MEI4: variants seen among roughly 807,000 people sequenced by gnomAD.
MEI4 encodes the protein meiosis-specific protein MEI4.
In MEI4, 27 loss-of-function variants were observed where a neutral mutation model predicts 31.4. That is an observed-to-expected ratio of 0.86 (90% CI 0.63 to 1.19). The LOEUF (loss-of-function observed/expected upper bound fraction) is 1.19, where lower values mean the gene tolerates loss of function less well. Ranked by LOEUF, MEI4 falls within the 50% of genes most tolerant of loss-of-function variation. The probability of loss-of-function intolerance (pLI) is 0.00; values close to 1 mark genes in which losing one functional copy is unlikely to be tolerated. For synonymous variants in MEI4, 122 were observed against 145.4 expected, an observed-to-expected ratio of 0.84 and a Z score of 1.16; for missense variants, 329 against 398.9, an observed-to-expected ratio of 0.82 and a Z score of 1.49.
At position 77,760,408 on chromosome 6, in the gene MEI4, C is replaced by T. The variant is rs72898541; in HGVS notation, c.233-722C>T. ...CACTTTACAGGATGAATTGTAAATTCACTCTACACTTTACAGGATGAAGGT... is the reference window on the plus strand; with the variant it reads ...CACTTTACAGGATGAATTGTAAATTTACTCTACACTTTACAGGATGAAGGT... On this transcript the variant is annotated intron_variant, in intron 2 of 4. Coordinates refer to ENST00000684080, the MANE Select transcript of MEI4 (RefSeq NM_001322247.2). 3.6e-3 allele frequency among the ~76,000 whole-genome samples: 549 copies of T among 151,668 alleles called. 5 individuals carry two copies. The highest frequency in any genetic ancestry group is 5.1e-3 in the Non-Finnish European group (344 of 67,968).
At chr6:77,673,100 GGATTCAA>G (rs1257128796) in intron 1 of MEI4, among the ~76,000 whole-genome samples, 2 of 152,054 alleles carry the variant, frequency 1.3e-5, no homozygotes, top group African/African-American at 4.8e-5. Context: ...TCTGCATTTT[GGATTCAA>G]GATTACTGAT....
intron 2 of MEI4, among the ~76,000 whole-genome samples, chr6:77,719,160 G>T (rs1766656425): frequency 7.0e-6 from 1 of 142,688 alleles, no homozygotes; most frequent in Non-Finnish European, 1.5e-5. Context: ...TGACCTTGAG[G>T]TGTCCAATCT....
chr6:77,713,011 G>C (rs905262123), intron 2 of MEI4, among the ~76,000 whole-genome samples: 3 of 151,890 alleles, frequency 2.0e-5, no homozygotes, highest in African/African-American at 7.3e-5. Context: ...TGGAGCATTA[G>C]GGTTGCCGAA....
intron 2 of MEI4, among the ~76,000 whole-genome samples, chr6:77,745,998 A>T (rs1288758670): frequency 1.3e-5 from 2 of 152,168 alleles, no homozygotes; most frequent in East Asian, 3.9e-4. Flanking sequence ...TATAACACTA[A>T]ATGCCCACAA....
intron 4 of MEI4, among the ~76,000 whole-genome samples, chr6:77,830,992 C>T (rs529583271): frequency 8.6e-5 from 13 of 151,800 alleles, no homozygotes; most frequent in African/African-American, 3.1e-4. Flanking sequence ...AAAATATTTG[C>T]AAACTAGCTA....
intron 3 of MEI4, among the ~76,000 whole-genome samples, chr6:77,809,081 C>T (rs751852081): frequency 5.9e-5 from 9 of 152,184 alleles, no homozygotes; most frequent in Non-Finnish European, 8.8e-5. Flanking sequence ...TGTCATATCA[C>T]GGTGTCTACC....
At chr6:77,760,313 TA>T (rs1164861822) in intron 2 of MEI4, among the ~76,000 whole-genome samples, 1 of 152,062 alleles carries the variant, frequency 6.6e-6, no homozygotes, top group Non-Finnish European at 1.5e-5. Context: ...GTATATCAGA[TA>T]TTTTATGTGT....
At chr6:77,904,207 C>T (rs1449725340) in intron 4 of MEI4, among the ~76,000 whole-genome samples, 2 of 152,050 alleles carry the variant, frequency 1.3e-5, no homozygotes, top group Non-Finnish European at 2.9e-5. Flanking sequence ...TGTGTATCTA[C>T]AAAGCTTTTT....
chr6:77,782,851 A>C (rs1398396768), intron 3 of MEI4, among the ~76,000 whole-genome samples: 1 of 152,224 alleles, frequency 6.6e-6, no homozygotes, highest in Non-Finnish European at 1.5e-5. Flanking sequence ...TTTCAATCAA[A>C]GTCCTATCAA....
intron 4 of MEI4, among the ~76,000 whole-genome samples, chr6:77,856,498 T>G (rs1400365850): frequency 1.3e-5 from 2 of 152,116 alleles, no homozygotes; most frequent in Admixed American, 6.6e-5. Flanking sequence ...TGTTAACAGT[T>G]TGATGAATTG....
Position 77,712,989 on chromosome 6 carries a change from A to C in MEI4, c.232+22086A>C, listed in dbSNP as rs564185628. ...CCATCTCAAAAAAAAAAAAAAGAAG[A>C]AGCATTATTGATGGAGCATTAGGGT... On this transcript the variant is annotated intron_variant, in intron 2 of 4. Transcript: ENST00000684080. Among the ~76,000 whole-genome samples, 260 of 151,922 alleles carry C rather than the reference A, an allele frequency of 1.7e-3. 1 individual carries two copies. The highest frequency in any genetic ancestry group is 4.7e-3 in the African/African-American group (193 of 41,446).
intron 1 of MEI4, among the ~76,000 whole-genome samples, chr6:77,677,958 T>A (rs1353162794): frequency 1.3e-5 from 2 of 152,146 alleles, no homozygotes; most frequent in African/African-American, 4.8e-5. Context: ...ACAATTAGAC[T>A]CAGAAACCAT....
At chr6:77,766,665 G>A (rs1441220582) in intron 3 of MEI4, among the ~76,000 whole-genome samples, 2 of 152,028 alleles carry the variant, frequency 1.3e-5, no homozygotes, top group Non-Finnish European at 2.9e-5. Context: ...GCCCACCTCG[G>A]CCTCCCAAAG....
At chr6:77,741,043 C>T (rs770008016) in intron 2 of MEI4, among the ~76,000 whole-genome samples, 39 of 152,028 alleles carry the variant, frequency 2.6e-4, no homozygotes, top group Non-Finnish European at 4.0e-4. Context: ...CTGGAGAGAG[C>T]AGGGATGGTT....
chr6:77,904,888 AG>A (rs1297848393), intron 4 of MEI4, among the ~76,000 whole-genome samples: 1 of 152,090 alleles, frequency 6.6e-6, no homozygotes, highest in East Asian at 1.9e-4. Context: ...TATTATTTTT[AG>A]TATTTTTTCT....
At position 77,843,124 on chromosome 6, in the gene MEI4, C is replaced by G. The variant is rs367947104; in HGVS notation, c.900+14062C>G. The stretch of plus-strand genomic sequence containing the variant: ...AAAAAACAGGTAAAGACTGATGTCT[C>G]AAAATGTAGAGTACAGTGAAATGTT... On this transcript the variant is annotated intron_variant, in intron 4 of 4. Coordinates refer to ENST00000684080, the MANE Select transcript of MEI4 (RefSeq NM_001322247.2). Among the ~76,000 whole-genome samples the G allele has an allele frequency of 6.0e-5, 9 of 149,878 alleles. No homozygotes were observed. In the East Asian group the frequency reaches 1.8e-3, roughly 29 times the overall value.
intron 1 of MEI4, among the ~76,000 whole-genome samples, chr6:77,666,876 T>TGC (rs1554208076): frequency 2.5e-4 from 30 of 122,118 alleles, no homozygotes; most frequent in East Asian, 2.1e-3. Flanking sequence ...TGTGTGTGTG[T>TGC]GTGTGTGCGT....
chr6:77,654,421 G>T (rs564856055), intron 1 of MEI4, among the ~76,000 whole-genome samples: 1 of 151,528 alleles, frequency 6.6e-6, no homozygotes, highest in Non-Finnish European at 1.5e-5. Context: ...AGATTTTCAG[G>T]TTCTCTGACA....
At chr6:77,866,755 C>A (rs1399195085) in intron 4 of MEI4, among the ~76,000 whole-genome samples, 1 of 152,184 alleles carries the variant, frequency 6.6e-6, no homozygotes, top group Non-Finnish European at 1.5e-5. Flanking sequence ...AAAGAGCCCA[C>A]ATTGCCAAGT....
Sources: gnomAD v4.1 joint callset for allele counts (sites outside exome capture counted in the v4.1 genomes callset) on GRCh38, gnomAD v4.1.1 for gene constraint, MANE v1.5 for transcripts, NCBI Gene and HGNC (gene_info 2026-07-23, HGNC 2026-07-21) for gene names.